Variants in FSTL4 observed in about 807,000 individuals in gnomAD.
FSTL4 encodes the protein follistatin like 4.
A neutral mutation model predicts 78.2 loss-of-function variants in FSTL4; 28 were observed. That is an observed-to-expected ratio of 0.36 (90% CI 0.27 to 0.49). FSTL4 has a LOEUF of 0.49. Ranked by LOEUF, FSTL4 falls within the 20% of genes least tolerant of loss-of-function variation. The pLI is 0.98. For synonymous variants in FSTL4, 422 were observed against 440.5 expected (o/e 0.96, Z 0.53); for missense variants, 922 against 1,084.9 (o/e 0.85, Z 2.11).
At chr5:133,580,217 C>T (rs915380471) in intron 2 of FSTL4, among the ~76,000 whole-genome samples, 3 of 152,142 alleles carry the variant, frequency 2.0e-5, no homozygotes, top group African/African-American at 7.2e-5. Flanking sequence ...TCCCATCCCT[C>T]ACAGCCTCTG....
At chr5:133,464,074 G>A (rs1332577715) in intron 3 of FSTL4, among the ~76,000 whole-genome samples, 1 of 152,224 alleles carries the variant, frequency 6.6e-6, no homozygotes, top group Non-Finnish European at 1.5e-5. Context: ...TATCACAACT[G>A]TGATGGATCA....
At position 133,429,031 on chromosome 5, in the gene FSTL4, A is replaced by C. The variant is rs149355884; in HGVS notation, c.161-28045T>G. 1.3e-3 allele frequency among the ~76,000 whole-genome samples: 205 copies of C among 152,328 alleles called. 1 individual carries two copies. The highest frequency in any genetic ancestry group is 4.7e-3 in the African/African-American group (196 of 41,568). ...TCCTGGCCCTAGTAGTGGGATCCTAAGGATAGCATAAATCAGGGGAAGAAA... is the reference window on the plus strand; with the variant it reads ...TCCTGGCCCTAGTAGTGGGATCCTACGGATAGCATAAATCAGGGGAAGAAA... On this transcript the variant is annotated intron_variant, in intron 3 of 15. Coordinates refer to ENST00000265342, the MANE Select transcript of FSTL4 (RefSeq NM_015082.2).
chr5:133,433,375 G>T (rs1756978355), intron 3 of FSTL4, among the ~76,000 whole-genome samples: 1 of 152,214 alleles, frequency 6.6e-6, no homozygotes, highest in South Asian at 2.1e-4. Context: ...CCCACGCAAG[G>T]GTAGGGCACC....
At position 133,199,400 on chromosome 5, in the gene FSTL4, A is replaced by G. The variant is rs2126756457; in HGVS notation, c.2224T>C (p.Ser742Pro). Reference sequence around the variant, plus strand: ...TTGTATTGATTGCTTTCAGTGAAGGAGCGCTGGAAGGCCAAGTCTGAGATG... The same window carrying G: ...TTGTATTGATTGCTTTCAGTGAAGGGGCGCTGGAAGGCCAAGTCTGAGATG... ...SGISDLAFQR[S>P]FTESNQYNIY... is the part of the protein sequence containing the mutation. The change falls in exon 16 of 16, where the codon TCC (serine) becomes CCC (proline). Residue 742 changes from serine (S) to proline (P), a missense_variant. Transcript: ENST00000265342. The surrounding 1 kb of genome is among the most constrained non-coding windows in gnomAD (Gnocchi z 4.4). The G allele has an allele frequency of 6.2e-7, 1 of 1,614,176 alleles. No homozygotes were observed. The highest frequency in any genetic ancestry group is 2.2e-5 in the East Asian group (1 of 44,870).
chr5:133,237,642 C>T (rs571600717), intron 7 of FSTL4, among the ~76,000 whole-genome samples: 11 of 152,228 alleles, frequency 7.2e-5, no homozygotes, highest in African/African-American at 2.2e-4. Context: ...CAGAACAAAG[C>T]GCATATTGTT....
intron 4 of FSTL4, among the ~76,000 whole-genome samples, chr5:133,378,978 C>G (rs1755506231): frequency 6.6e-6 from 1 of 152,072 alleles, no homozygotes; most frequent in Admixed American, 6.5e-5. Context: ...CAGAGATTTT[C>G]AGACTGGATA....
intron 7 of FSTL4, chr5:133,246,764 T>TAGC (rs1455708357): frequency 6.6e-6 from 1 of 152,180 alleles, no homozygotes; most frequent in East Asian, 1.9e-4. Flanking sequence ...GAATATTATT[T>TAGC]AGCAGCAGCA....
the FSTL4 span, among the ~76,000 whole-genome samples, chr5:133,664,329 T>A: frequency 1.4e-5 from 2 of 147,244 alleles, no homozygotes; most frequent in Non-Finnish European, 1.5e-5. Flanking sequence ...TTAAAAAAAA[T>A]TCCAGTAGAA....
At chr5:133,242,415 C>T (rs1338426071) in intron 7 of FSTL4, among the ~76,000 whole-genome samples, 2 of 143,174 alleles carry the variant, frequency 1.4e-5, no homozygotes, top group Non-Finnish European at 3.0e-5. Flanking sequence ...GTGGGGAGTT[C>T]CTGGGTTCTG....
At chr5:133,707,683 C>T in the FSTL4 span, among the ~76,000 whole-genome samples, 1 of 152,088 alleles carries the variant, frequency 6.6e-6, no homozygotes, top group African/African-American at 2.4e-5. Context: ...ACTAAACAAA[C>T]CTTTCTTCAG....
Position 133,611,610 on chromosome 5 carries a change from G to A in FSTL4, c.-11+715C>T, listed in dbSNP as rs112625833. On this transcript the variant is annotated intron_variant, in intron 1 of 15. Transcript: ENST00000265342. This position sits in a 1 kb window ranked among gnomAD's most constrained non-coding sequence, Gnocchi z 4.9. ...AACGCCCCCAACACACTGCTCCCTA[G>A]ACACGTTCAAGCGGGTACCCCGGGC... Among the ~76,000 whole-genome samples the A allele has an allele frequency of 4.6e-5, 7 of 152,294 alleles. No individual in the cohort carries two copies. Among genetic ancestry groups the A allele is most frequent in the African/African-American group, 1.4e-4 (6 of 41,570 alleles).
the FSTL4 span, among the ~76,000 whole-genome samples, chr5:133,649,609 T>C: frequency 6.6e-6 from 1 of 152,204 alleles, no homozygotes; most frequent in Non-Finnish European, 1.5e-5. Flanking sequence ...TGGTGACACA[T>C]GATATGGAGC....
At chr5:133,647,188 T>G in the FSTL4 span, among the ~76,000 whole-genome samples, 1 of 152,256 alleles carries the variant, frequency 6.6e-6, no homozygotes, top group African/African-American at 2.4e-5. Flanking sequence ...CTTGACTCCA[T>G]TGGTGGCATC....
At chr5:133,729,890 C>T in the FSTL4 span, among the ~76,000 whole-genome samples, 4 of 151,998 alleles carry the variant, frequency 2.6e-5, no homozygotes, top group African/African-American at 4.8e-5. Flanking sequence ...GTCTCTCAAG[C>T]GGAAGGGCAG....
At chr5:133,296,411 T>A (rs1753396926) in intron 6 of FSTL4, among the ~76,000 whole-genome samples, 1 of 152,234 alleles carries the variant, frequency 6.6e-6, no homozygotes, top group Non-Finnish European at 1.5e-5. Context: ...ATCACATCCC[T>A]TCTCGACTTG....
the FSTL4 span, among the ~76,000 whole-genome samples, chr5:133,824,234 T>C: frequency 6.6e-6 from 1 of 152,240 alleles, no homozygotes; most frequent in African/African-American, 2.4e-5. Context: ...ATGCCAATCA[T>C]AAATAGTGGG....
intron 4 of FSTL4, among the ~76,000 whole-genome samples, chr5:133,376,177 A>AAT (rs1170386000): frequency 6.6e-6 from 1 of 152,222 alleles, no homozygotes; most frequent in Admixed American, 6.5e-5. Context: ...AGAACTTACT[A>AAT]TATAAAGCTT....
chr5:133,481,332 G>A (rs1758023299), intron 3 of FSTL4, among the ~76,000 whole-genome samples: 3 of 152,116 alleles, frequency 2.0e-5, no homozygotes, highest in South Asian at 2.1e-4. Context: ...CTTGAGGCCA[G>A]GAGTTTGAGA....
chr5:133,356,534 C>T (rs972007705), intron 4 of FSTL4, among the ~76,000 whole-genome samples: 2 of 152,214 alleles, frequency 1.3e-5, no homozygotes, highest in Non-Finnish European at 2.9e-5. Context: ...CAGGTAGACG[C>T]CCCTGCAGCA....
Sources: gnomAD v4.1 joint callset for allele counts (sites outside exome capture counted in the v4.1 genomes callset) on GRCh38, gnomAD v4.1.1 for gene constraint, Gnocchi (gnomAD v3.1) non-coding constraint, MANE v1.5 for transcripts, NCBI Gene and HGNC (gene_info 2026-07-23, HGNC 2026-07-21) for gene names.